Variants in VRK3 observed in about 807,000 individuals in gnomAD.
VRK3 encodes VRK serine/threonine kinase 3, also known as serine/threonine-protein kinase VRK3.
Under a neutral mutation model 60.4 loss-of-function variants are expected in VRK3, and 50 were observed. That is an observed-to-expected ratio of 0.83 (90% CI 0.66 to 1.05). The LOEUF is 1.05. Ranked by LOEUF, VRK3 falls within the 50% of genes least tolerant of loss-of-function variation. The pLI, the probability that VRK3 is intolerant of heterozygous loss-of-function variation, is 0.00. For missense variants in VRK3, 549 were observed against 585.3 expected (o/e 0.94, Z 0.64); for synonymous variants, 246 against 227.8 (o/e 1.08, Z -0.72).
At chr19:49,992,714 T>C (rs2076632222) in intron 10 of VRK3, 146 bp downstream of exon 10, 1 of 678,918 alleles carries the variant, frequency 1.5e-6, no homozygotes, top group Non-Finnish European at 2.4e-6. Context: ...CTAAGTTGCT[T>C]ATCTTATTTA....
chr19:50,014,535 C>A (rs2077043665), intron 3 of VRK3, among the ~76,000 whole-genome samples: 1 of 152,178 alleles, frequency 6.6e-6, no homozygotes, highest in Non-Finnish European at 1.5e-5. Context: ...CAAGATTGCG[C>A]CACTGCACCC....
intron 12 of VRK3, 116 bp from the exon 13 acceptor site, chr19:49,981,129 T>C (rs1365709952): frequency 5.3e-6 from 5 of 948,970 alleles, no homozygotes; most frequent in East Asian, 2.6e-5. Context: ...CCCTCTGCCA[T>C]CCAGGGAAGT....
intron 12 of VRK3, chr19:49,988,143 C>T: frequency 1.1e-5 from 5 of 460,484 alleles, no homozygotes; most frequent in South Asian, 9.8e-5. Flanking sequence ...CAGACGTTAA[C>T]ACCCCACAGT....
chr19:50,004,902 T>TC (rs2076869436), intron 5 of VRK3, among the ~76,000 whole-genome samples: 1 of 151,114 alleles, frequency 6.6e-6, no homozygotes, highest in Non-Finnish European at 1.5e-5. Flanking sequence ...GGAGCGAGAC[T>TC]CCATCTCTTA....
chr19:49,984,395 G>T (rs1282743106), intron 12 of VRK3, among the ~76,000 whole-genome samples: 1 of 152,248 alleles, frequency 6.6e-6, no homozygotes, highest in Non-Finnish European at 1.5e-5. Flanking sequence ...ACCAGGTCAG[G>T]CATCTCCCAG....
At chr19:49,989,226 C>T (rs2076568951) in intron 11 of VRK3, among the ~76,000 whole-genome samples, 1 of 152,168 alleles carries the variant, frequency 6.6e-6, no homozygotes, top group Non-Finnish European at 1.5e-5. Flanking sequence ...TACACTTTCC[C>T]TGGATGATCC....
intron 13 of VRK3, 100 bp downstream of exon 13, chr19:49,980,855 A>T: frequency 9.2e-7 from 1 of 1,082,340 alleles, no homozygotes; most frequent in South Asian, 1.5e-5. Flanking sequence ...TGGAAAACTA[A>T]AAAAAATGAA....
At chr19:49,984,425 G>C (rs1018217073) in intron 12 of VRK3, among the ~76,000 whole-genome samples, 1 of 152,076 alleles carries the variant, frequency 6.6e-6, no homozygotes, top group Non-Finnish European at 1.5e-5. Flanking sequence ...TCCAGGAGCC[G>C]GTGGCGGGGT....
At chr19:49,993,189 T>C (rs914197327) in intron 9 of VRK3, among the ~76,000 whole-genome samples, 4 of 152,208 alleles carry the variant, frequency 2.6e-5, no homozygotes, top group Non-Finnish European at 4.4e-5. Context: ...TGGCTTCCTA[T>C]CTACTCCTGT....
Position 49,994,898 on chromosome 19 carries a change from C to A in VRK3, c.786G>T (p.Leu262=). ...DKYRFLVLPS[L]GRSLQSALDV... is the part of the protein sequence containing the mutation. Reference sequence around the variant, plus strand: ...CCAGGGCCGACTGAAGGCTCCTCCCCAGGCTGGGTAACACCAAGAACCTGG... The same window carrying A: ...CCAGGGCCGACTGAAGGCTCCTCCCAAGGCTGGGTAACACCAAGAACCTGG... Residue 262 remains leucine (L), a synonymous_variant, in exon 9 of 15, where the codon CTG becomes CTT. Coordinates refer to ENST00000316763, the MANE Select transcript of VRK3 (RefSeq NM_016440.4). 2 of 1,614,104 alleles carry A rather than the reference C, an allele frequency of 1.2e-6. No homozygotes were observed. The highest frequency in any genetic ancestry group is 1.7e-6 in the Non-Finnish European group (2 of 1,180,022).
chr19:49,995,083 G>T (rs73055309), intron 8 of VRK3, 108 bp downstream of exon 8: 1,189 of 1,337,238 alleles, frequency 8.9e-4, no homozygotes, highest in Non-Finnish European at 1.2e-3. Flanking sequence ...CGAGAAGGCA[G>T]GAAGCAAAGA....
intron 3 of VRK3, among the ~76,000 whole-genome samples, chr19:50,010,703 A>G (rs2076981244): frequency 1.3e-5 from 2 of 152,214 alleles, no homozygotes; most frequent in Admixed American, 1.3e-4. Flanking sequence ...GCCTGAGGTC[A>G]GGAGTTTGAG....
intron 1 of VRK3, among the ~76,000 whole-genome samples, chr19:50,021,046 T>A (rs2077163187): frequency 6.6e-6 from 1 of 152,226 alleles, no homozygotes; most frequent in African/African-American, 2.4e-5. Flanking sequence ...GAGGGAGGCA[T>A]CTGAGCAGAG....
chr19:49,982,309 T>C (rs994504332), intron 12 of VRK3: 3 of 681,404 alleles, frequency 4.4e-6, no homozygotes, highest in Non-Finnish European at 8.1e-6. Context: ...CAGACAGCCC[T>C]TCAGCATTAT....
intron 2 of VRK3, among the ~76,000 whole-genome samples, chr19:50,016,723 C>A (rs1036202091): frequency 6.6e-6 from 1 of 152,212 alleles, no homozygotes; most frequent in Non-Finnish European, 1.5e-5. Flanking sequence ...TCTCTCTGAG[C>A]TAATTCCTGA....
chr19:49,996,217 G>A (rs923611759), intron 7 of VRK3, among the ~76,000 whole-genome samples: 1 of 148,984 alleles, frequency 6.7e-6, no homozygotes, highest in Non-Finnish European at 1.5e-5. Context: ...ACCACGCCCG[G>A]CCTTTTTTTT....
intron 3 of VRK3, among the ~76,000 whole-genome samples, chr19:50,015,148 G>C (rs1253837641): frequency 6.6e-6 from 1 of 152,136 alleles, no homozygotes; most frequent in Admixed American, 6.6e-5. Flanking sequence ...AGGAACACCA[G>C]GAGCTCAGGT....
chr19:49,989,820 A>T, intron 10 of VRK3, 49 bp from the exon 11 acceptor site: 1 of 1,522,476 alleles, frequency 6.6e-7, no homozygotes, highest in Non-Finnish European at 8.9e-7. Context: ...GGAGCGTAGA[A>T]GTCAGAGATT....
chr19:49,994,783 C>G (rs376135528), intron 9 of VRK3, 31 bp downstream of exon 9: 1 of 1,595,074 alleles, frequency 6.3e-7, no homozygotes, highest in South Asian at 1.1e-5. Context: ...CCCTCCCTGA[C>G]GCGGCAGCTG....
Sources: gnomAD v4.1 joint callset for allele counts (sites outside exome capture counted in the v4.1 genomes callset) on GRCh38, gnomAD v4.1.1 for gene constraint, MANE v1.5 for transcripts, NCBI Gene and HGNC (gene_info 2026-07-23, HGNC 2026-07-21) for gene names.